The following KCNH8 variants were observed in gnomAD, a reference collection of about 807,000 sequenced individuals.
KCNH8 encodes the protein potassium voltage-gated channel subfamily H member 8.
KCNH8 carries 70 observed loss-of-function variants against 103.6 expected under a neutral mutation model. The ratio of observed to expected loss-of-function variants is 0.68; its 90% confidence interval spans 0.56 to 0.82. The LOEUF is 0.82. Ranked by LOEUF, KCNH8 falls within the 40% of genes least tolerant of loss-of-function variation. The probability of loss-of-function intolerance (pLI) is 0.00; values close to 1 mark genes in which losing one functional copy is unlikely to be tolerated. For missense variants in KCNH8, 1,217 were observed against 1,329.9 expected (o/e 0.92, Z 1.32); for synonymous variants, 498 against 489.4 (o/e 1.02, Z -0.23).
intron 5 of KCNH8, among the ~76,000 whole-genome samples, chr3:19,368,037 A>G (rs1353162652): frequency 1.3e-5 from 2 of 152,126 alleles, no homozygotes; most frequent in African/African-American, 4.8e-5. Context: ...GAGATGCTGC[A>G]GTCTCAACTC....
At chr3:19,374,672 G>T (rs894603907) in intron 5 of KCNH8, among the ~76,000 whole-genome samples, 2 of 151,612 alleles carry the variant, frequency 1.3e-5, no homozygotes, top group African/African-American at 4.9e-5. Flanking sequence ...TCTTTTGCTG[G>T]TTAGTTGATG....
intron 5 of KCNH8, among the ~76,000 whole-genome samples, chr3:19,378,093 GAGAC>G (rs1250926107): frequency 6.6e-6 from 1 of 152,164 alleles, no homozygotes; most frequent in Non-Finnish European, 1.5e-5. Context: ...TTTAGGGACT[GAGAC>G]AGACAGTGGT....
intron 3 of KCNH8, among the ~76,000 whole-genome samples, chr3:19,293,838 C>A (rs901294089): frequency 5.3e-5 from 8 of 152,232 alleles, no homozygotes; most frequent in African/African-American, 1.9e-4. Context: ...AGTAAGTGCT[C>A]AATAAATATT....
intron 11 of KCNH8, among the ~76,000 whole-genome samples, chr3:19,462,797 C>A (rs1293489234): frequency 1.3e-5 from 2 of 152,108 alleles, no homozygotes; most frequent in Non-Finnish European, 2.9e-5. Context: ...AGTCTTTAAT[C>A]CATCTTGAAT....
At chr3:19,181,694 A>G (rs2063454753) in intron 1 of KCNH8, among the ~76,000 whole-genome samples, 1 of 152,214 alleles carries the variant, frequency 6.6e-6, no homozygotes, top group Admixed American at 6.5e-5. Flanking sequence ...AATTTAAAAA[A>G]TCAACTCAAA....
At chr3:19,391,269 A>G (rs1191964502) in intron 6 of KCNH8, among the ~76,000 whole-genome samples, 1 of 152,022 alleles carries the variant, frequency 6.6e-6, no homozygotes, top group Non-Finnish European at 1.5e-5. Flanking sequence ...CCTTACCCTC[A>G]TGTAGCCTCC....
chr3:19,343,979 G>A (rs967069059), intron 4 of KCNH8, among the ~76,000 whole-genome samples: 258 of 92,508 alleles, frequency 2.8e-3, no homozygotes, highest in Middle Eastern at 0.013. Flanking sequence ...CTGTGGTCAC[G>A]CTTTGATTTT....
rs2069223068 is a variant in KCNH8, at chr3:19,534,055, A to G, written c.3280A>G (p.Thr1094Ala). 3 of 1,614,144 alleles carry G rather than the reference A, an allele frequency of 1.9e-6. No homozygotes were observed. The highest frequency in any genetic ancestry group is 1.7e-6 in the Non-Finnish European group (2 of 1,180,004). The change falls in exon 16 of 16, where the codon ACA (threonine) becomes GCA (alanine). Residue 1094 changes from threonine to alanine, a missense_variant. This residue lies in a region of KCNH8 where 558 missense variants were observed against 495.8 expected (regional missense o/e 1.13). Transcript: ENST00000328405. The stretch of plus-strand genomic sequence containing the variant: ...GGAGAACCTTCCACTGGAAGTTGTC[A>G]CAAGCACAGCAGAAGTGAAAGATAA... The part of the protein sequence containing the change: ...PLENLPLEVV[T>A]STAEVKDNKA...
intron 1 of KCNH8, among the ~76,000 whole-genome samples, chr3:19,234,882 C>T (rs2064044431): frequency 6.6e-6 from 1 of 152,258 alleles, no homozygotes; most frequent in Non-Finnish European, 1.5e-5. Context: ...AGAATGATGT[C>T]CTGTCCAGCG....
intron 7 of KCNH8, among the ~76,000 whole-genome samples, chr3:19,422,472 G>A (rs2066965275): frequency 6.6e-6 from 1 of 152,012 alleles, no homozygotes; most frequent in African/African-American, 2.4e-5. Flanking sequence ...TTTCTTAAAT[G>A]CCCTCAGCAA....
At chr3:19,171,948 G>A (rs2063353088) in intron 1 of KCNH8, among the ~76,000 whole-genome samples, 1 of 152,182 alleles carries the variant, frequency 6.6e-6, no homozygotes, top group Non-Finnish European at 1.5e-5. Flanking sequence ...CACTCATTGT[G>A]TGACAATGGG....
chr3:19,268,002 G>A (rs915158166), intron 2 of KCNH8, among the ~76,000 whole-genome samples: 9 of 152,078 alleles, frequency 5.9e-5, no homozygotes, highest in African/African-American at 2.2e-4. Context: ...GTAACCAATA[G>A]TATTACTATT....
At chr3:19,475,736 T>G (rs1467984095) in intron 11 of KCNH8, among the ~76,000 whole-genome samples, 1 of 152,142 alleles carries the variant, frequency 6.6e-6, no homozygotes, top group East Asian at 1.9e-4. Context: ...AAACTAGAGA[T>G]TTATCAGGCA....
chr3:19,231,047 A>G (rs1314970615), intron 1 of KCNH8, among the ~76,000 whole-genome samples: 2 of 152,212 alleles, frequency 1.3e-5, no homozygotes, highest in Non-Finnish European at 2.9e-5. Context: ...TTATGTTACT[A>G]TAGTATAGTA....
intron 11 of KCNH8, among the ~76,000 whole-genome samples, chr3:19,471,846 A>G (rs1320524378): frequency 1.3e-5 from 2 of 152,222 alleles, no homozygotes; most frequent in East Asian, 3.8e-4. Flanking sequence ...ACTGAATGCC[A>G]GCTAAGTTAA....
intron 1 of KCNH8, among the ~76,000 whole-genome samples, chr3:19,201,151 G>A (rs1374284708): frequency 7.6e-6 from 1 of 131,698 alleles, no homozygotes; most frequent in Admixed American, 8.9e-5. Context: ...AGAATCGTTT[G>A]AACCTGGAAG....
At chr3:19,526,437 A>G (rs2069065812) in intron 15 of KCNH8, among the ~76,000 whole-genome samples, 1 of 152,016 alleles carries the variant, frequency 6.6e-6, no homozygotes, top group African/African-American at 2.4e-5. Flanking sequence ...TTTATATGAT[A>G]CTATATGTCA....
intron 1 of KCNH8, among the ~76,000 whole-genome samples, chr3:19,183,715 C>T (rs1048062999): frequency 6.6e-6 from 1 of 152,048 alleles, no homozygotes; most frequent in African/African-American, 2.4e-5. Flanking sequence ...ATTTGTCACA[C>T]GTGTGGCTGA....
At chr3:19,332,633 T>A (rs1386554466) in intron 3 of KCNH8, among the ~76,000 whole-genome samples, 1 of 152,164 alleles carries the variant, frequency 6.6e-6, no homozygotes, top group Non-Finnish European at 1.5e-5. Flanking sequence ...TTTTTCTTTT[T>A]ATTTTTTTTC....
Sources: allele counts gnomAD v4.1 joint callset (sites outside exome capture counted in the v4.1 genomes callset), GRCh38; gene constraint gnomAD v4.1.1; regional missense constraint gnomAD v4.1.1; transcripts MANE v1.5; gene names NCBI Gene and HGNC (gene_info 2026-07-23, HGNC 2026-07-21).